Variants in MAPK10 observed in about 807,000 individuals in gnomAD.
The protein encoded by MAPK10 is mitogen-activated protein kinase 10, also known as JNK3 alpha protein kinase.
A neutral mutation model predicts 59.3 loss-of-function variants in MAPK10; 25 were observed. The ratio of observed to expected loss-of-function variants is 0.42; its 90% CI spans 0.31 to 0.59. The LOEUF is 0.59. Among genes scored for constraint, MAPK10 ranks in the 20% least tolerant of loss-of-function variants. The pLI is 0.15. For synonymous variants in MAPK10, 190 were observed against 200.5 expected (o/e 0.95, Z 0.44); for missense variants, 351 against 568.9 (o/e 0.62, Z 3.90).
rs555286342 is a variant in MAPK10 at position 86,174,544 on chromosome 4, T to C, written c.67-15077A>G. Among the ~76,000 whole-genome samples the C allele has an allele frequency of 8.9e-4, 135 of 152,308 alleles. 1 individual carries two copies. Among genetic ancestry groups the C allele is most frequent in the Non-Finnish European group, 1.1e-3 (76 of 68,014 alleles). Reference sequence around the variant, plus strand: ...GGTTGATAGGTGCAGGAAATCATCATGGCACATATTTACCTATGTAACAAA... The same window carrying C: ...GGTTGATAGGTGCAGGAAATCATCACGGCACATATTTACCTATGTAACAAA... On this transcript the variant is annotated intron_variant, in intron 3 of 13. Transcript: ENST00000641462.
chr4:86,091,399 C>G (rs531390079), intron 9 of MAPK10: 1 of 151,880 alleles, frequency 6.6e-6, no homozygotes, highest in East Asian at 1.9e-4. Context: ...TATGGAACTT[C>G]TCTTCACTAT....
chr4:86,380,786 A>C (rs989370536), intron 1 of MAPK10, among the ~76,000 whole-genome samples: 1 of 151,062 alleles, frequency 6.6e-6, no homozygotes, highest in African/African-American at 2.4e-5. Flanking sequence ...TTCAATCCTG[A>C]CTTATGGGTG....
At chr4:86,463,621 GAT>G in intron 1 of MAPK10, among the ~76,000 whole-genome samples, 1 of 152,144 alleles carries the variant, frequency 6.6e-6, no homozygotes, top group East Asian at 1.9e-4. Context: ...CTTAGTAAAT[GAT>G]ATTACCATTG....
chr4:86,413,445 G>A (rs574361978), intron 1 of MAPK10, among the ~76,000 whole-genome samples: 84 of 152,318 alleles, frequency 5.5e-4, no homozygotes, highest in African/African-American at 1.9e-3. Flanking sequence ...CTTCAGAGCT[G>A]TCAGACAGGG....
At chr4:86,296,339 G>A (rs1365682616) in intron 2 of MAPK10, among the ~76,000 whole-genome samples, 2 of 152,108 alleles carry the variant, frequency 1.3e-5, no homozygotes, top group African/African-American at 4.8e-5. Context: ...CTTCAGAAGT[G>A]GTAGGGAAGA....
intron 2 of MAPK10, among the ~76,000 whole-genome samples, chr4:86,223,904 T>C (rs2090129435): frequency 6.6e-6 from 1 of 152,222 alleles, no homozygotes; most frequent in South Asian, 2.1e-4. Flanking sequence ...AGTCTCATTA[T>C]GTAAATAATG....
At chr4:86,217,323 AT>A (rs1277005927) in intron 2 of MAPK10, among the ~76,000 whole-genome samples, 1 of 152,130 alleles carries the variant, frequency 6.6e-6, no homozygotes, top group Non-Finnish European at 1.5e-5. Context: ...GAGAAATAAG[AT>A]TTTTTCTGTC....
intron 2 of MAPK10, chr4:86,308,756 TG>T (rs1288486247): frequency 6.6e-6 from 1 of 152,178 alleles, no homozygotes; most frequent in Admixed American, 6.5e-5. Flanking sequence ...CAAAGCTACC[TG>T]GGATTTGAAA....
chr4:86,230,253 G>T (rs1377780274), intron 2 of MAPK10, among the ~76,000 whole-genome samples: 3 of 152,000 alleles, frequency 2.0e-5, no homozygotes, highest in Admixed American at 2.0e-4. Context: ...TCATTTTAAA[G>T]GTTATTAACT....
chr4:86,140,665 C>G (rs1045724533), intron 4 of MAPK10, among the ~76,000 whole-genome samples: 24 of 151,320 alleles, frequency 1.6e-4, no homozygotes, highest in African/African-American at 5.1e-4. Flanking sequence ...CACATGTACC[C>G]TAAAACTTAA....
At chr4:86,296,358 T>C (rs1295357571) in intron 2 of MAPK10, among the ~76,000 whole-genome samples, 1 of 151,862 alleles carries the variant, frequency 6.6e-6, no homozygotes, top group Non-Finnish European at 1.5e-5. Context: ...GAACAGAAGC[T>C]CCCTTCTGAG....
chr4:86,544,392 C>CA (rs1758978580), intron 1 of MAPK10, among the ~76,000 whole-genome samples: 1 of 152,206 alleles, frequency 6.6e-6, no homozygotes, highest in Non-Finnish European at 1.5e-5. Context: ...ATGAAGCTGA[C>CA]ATCACAGATA....
chr4:86,331,581 G>A (rs185978823), intron 2 of MAPK10, among the ~76,000 whole-genome samples: 9 of 152,154 alleles, frequency 5.9e-5, no homozygotes, highest in Non-Finnish European at 1.3e-4. Context: ...TGTGAGCAGC[G>A]CACCATGAGA....
chr4:86,425,865 G>A (rs1323823161), intron 1 of MAPK10, among the ~76,000 whole-genome samples: 3 of 152,128 alleles, frequency 2.0e-5, no homozygotes, highest in Admixed American at 2.0e-4. Flanking sequence ...CAGCTACTCA[G>A]GAGGCTGAGG....
chr4:86,033,532 T>G, intron 11 of MAPK10, among the ~76,000 whole-genome samples: 1 of 152,250 alleles, frequency 6.6e-6, no homozygotes, highest in Non-Finnish European at 1.5e-5. Context: ...ATTTTCTTTT[T>G]GCAACAAAGC....
At chr4:86,223,858 G>C (rs1459967473) in intron 2 of MAPK10, among the ~76,000 whole-genome samples, 1 of 152,058 alleles carries the variant, frequency 6.6e-6, no homozygotes, top group Non-Finnish European at 1.5e-5. Flanking sequence ...TGGCAGTCTT[G>C]GACCTGCTTA....
chr4:86,335,656 T>A (rs1418222117), intron 2 of MAPK10, among the ~76,000 whole-genome samples: 1 of 151,764 alleles, frequency 6.6e-6, no homozygotes, highest in Non-Finnish European at 1.5e-5. Context: ...TGAGGCTGGG[T>A]AATTGATAAA....
intron 1 of MAPK10, among the ~76,000 whole-genome samples, chr4:86,580,584 T>G (rs1762195510): frequency 6.6e-6 from 1 of 152,180 alleles, no homozygotes; most frequent in East Asian, 1.9e-4. Context: ...ATTTTAAATA[T>G]GCAACTTTAT....
rs374820566 is a variant in MAPK10, at chr4:86,075,444, T to A, written c.803-7489A>T. Among the ~76,000 whole-genome samples, 18 of 152,210 alleles carry A rather than the reference T, an allele frequency of 1.2e-4. No homozygotes were observed. In the South Asian group the frequency reaches 2.5e-3, roughly 21 times the overall value. Reference sequence around the variant, plus strand: ...TTGTTCTGTTGCTGGTGAGGAACTGTGTTCCTTTGGAGGAGGAGAGATGCT... The same window carrying A: ...TTGTTCTGTTGCTGGTGAGGAACTGAGTTCCTTTGGAGGAGGAGAGATGCT... On this transcript the variant is annotated intron_variant, in intron 9 of 13. Coordinates refer to ENST00000641462, the MANE Select transcript of MAPK10 (RefSeq NM_138982.4).
Sources: gnomAD v4.1 joint callset for allele counts (sites outside exome capture counted in the v4.1 genomes callset) on GRCh38, gnomAD v4.1.1 for gene constraint, MANE v1.5 for transcripts, NCBI Gene and HGNC (gene_info 2026-07-23, HGNC 2026-07-21) for gene names.